Variants in DPP8 observed in about 807,000 individuals in gnomAD.
DPP8 encodes the protein dipeptidyl peptidase 8, also known as DPP VIII.
DPP8 carries 31 observed loss-of-function variants against 107.5 expected under a neutral mutation model. The ratio of observed to expected loss-of-function variants is 0.29; its 90% CI spans 0.22 to 0.39. The LOEUF (loss-of-function observed/expected upper bound fraction) is 0.39. DPP8 is among the 10% of genes least tolerant of loss of function. The pLI, the probability that DPP8 is intolerant of heterozygous loss-of-function variation, is 1.00. For synonymous variants in DPP8, 381 were observed against 356.6 expected (o/e 1.07, Z -0.77); for missense variants, 842 against 1,076.1 (o/e 0.78, Z 3.04).
intron 4 of DPP8, among the ~76,000 whole-genome samples, chr15:65,499,766 T>C (rs574253991): frequency 4.6e-5 from 7 of 151,696 alleles, no homozygotes; most frequent in Non-Finnish European, 8.8e-5. Context: ...GGTTTCGCCA[T>C]GTTTCCCCAC....
intron 1 of DPP8, 25 bp from the exon 2 acceptor site, chr15:65,512,589 T>C (rs1425824199): frequency 6.2e-7 from 1 of 1,612,658 alleles, no homozygotes; most frequent in East Asian, 2.2e-5. Context: ...CACATGAAGC[T>C]GTTCACGGGT....
At chr15:65,515,749 C>T (rs2071375713) in intron 1 of DPP8, 5 of 1,497,126 alleles carry the variant, frequency 3.3e-6, no homozygotes, top group Non-Finnish European at 4.6e-6. Context: ...TCTGCTCATC[C>T]TGCTCTTCTC....
intron 2 of DPP8, among the ~76,000 whole-genome samples, chr15:65,511,649 A>AC (rs903695243): frequency 9.3e-5 from 14 of 150,658 alleles, no homozygotes; most frequent in Admixed American, 5.3e-4. Context: ...CAAAAAAAAA[A>AC]AAAAAAAAAC....
chr15:65,462,841 A>G (rs899665410), intron 15 of DPP8, among the ~76,000 whole-genome samples: 1 of 152,128 alleles, frequency 6.6e-6, no homozygotes, highest in African/African-American at 2.4e-5. Flanking sequence ...GGCCTCCCAA[A>G]GTGCTGGGAT....
At chr15:65,494,105 C>T (rs1170786982) in intron 5 of DPP8, among the ~76,000 whole-genome samples, 1 of 147,710 alleles carries the variant, frequency 6.8e-6, no homozygotes, top group Non-Finnish European at 1.5e-5. Context: ...CAAGGCCACA[C>T]AGTTAATAAA....
chr15:65,502,540 T>C (rs2069370264), intron 3 of DPP8, among the ~76,000 whole-genome samples: 1 of 152,044 alleles, frequency 6.6e-6, no homozygotes, highest in Non-Finnish European at 1.5e-5. Context: ...TAGCCGAGCA[T>C]GCTGGTGCGC....
At chr15:65,516,846 G>A (rs760194425) in intron 1 of DPP8, 2 of 152,364 alleles carry the variant, frequency 1.3e-5, no homozygotes, top group Non-Finnish European at 2.9e-5. Context: ...GAAAAACTAT[G>A]AATGAGGAAC....
At chr15:65,493,926 T>G (rs1187451187) in intron 5 of DPP8, among the ~76,000 whole-genome samples, 2 of 151,992 alleles carry the variant, frequency 1.3e-5, no homozygotes, top group Non-Finnish European at 1.5e-5. Context: ...CCTACCTACT[T>G]TCTATCTAAG....
chr15:65,512,606 T>C, intron 1 of DPP8, 42 bp from the exon 2 acceptor site: 1 of 1,601,262 alleles, frequency 6.2e-7, no homozygotes, highest in Non-Finnish European at 8.5e-7. Context: ...GGGTCTATCT[T>C]CTATTATCAG....
chr15:65,502,862 T>G (rs7178584), intron 3 of DPP8: 66,694 of 145,884 alleles, frequency 0.46, 17,162 homozygotes, highest in Non-Finnish European at 0.58. Context: ...CAAAAATACT[T>G]AGTAGTAAAT....
intron 2 of DPP8, among the ~76,000 whole-genome samples, chr15:65,511,745 T>TA (rs11378042): frequency 1 from 151,913 of 152,016 alleles, 75,905 homozygotes; most frequent in Middle Eastern, 1. Context: ...CACAAATAAA[T>TA]AAACACATAT....
intron 12 of DPP8, among the ~76,000 whole-genome samples, chr15:65,473,501 T>A (rs547371415): frequency 5.5e-4 from 83 of 152,062 alleles, no homozygotes; most frequent in Non-Finnish European, 1.0e-3. Context: ...AGACCCTGTC[T>A]CTACCAAAAA....
At chr15:65,457,184 G>A (rs996134704) in intron 15 of DPP8, among the ~76,000 whole-genome samples, 10 of 151,992 alleles carry the variant, frequency 6.6e-5, no homozygotes, top group Admixed American at 6.6e-5. Context: ...GCGAAACCCC[G>A]TCTCTACCAA....
intron 4 of DPP8, among the ~76,000 whole-genome samples, chr15:65,500,310 T>C (rs1332124551): frequency 6.6e-6 from 1 of 151,718 alleles, no homozygotes; most frequent in African/African-American, 2.4e-5. Flanking sequence ...CCCAGCTACT[T>C]GGGAGGCTGA....
chr15:65,510,435 G>A (rs2070619059), intron 2 of DPP8, among the ~76,000 whole-genome samples: 1 of 151,902 alleles, frequency 6.6e-6, no homozygotes, highest in Non-Finnish European at 1.5e-5. Flanking sequence ...CCCTCTTCAG[G>A]GGTTGGGTGG....
chr15:65,481,347 A>G (rs990811797), intron 9 of DPP8, among the ~76,000 whole-genome samples, 168 bp downstream of exon 9: 2 of 152,234 alleles, frequency 1.3e-5, no homozygotes, highest in Admixed American at 1.3e-4. Context: ...TAGGATTACA[A>G]ATGCACAAAT....
chr15:65,485,544 C>CAAAAAAAAA (rs56940292), intron 7 of DPP8, among the ~76,000 whole-genome samples: 74 of 60,586 alleles, frequency 1.2e-3, no homozygotes, highest in Admixed American at 1.6e-3. Flanking sequence ...GACTCCATCT[C>CAAAAAAAAA]AAAAAAAAAA....
Position 65,500,794 on chromosome 15 carries a change from A to C in DPP8, c.373-15T>G. The C allele has an allele frequency of 6.3e-7, 1 of 1,597,592 alleles. No homozygotes were observed. Among genetic ancestry groups the C allele is most frequent in the African/African-American group, 1.3e-5 (1 of 74,646 alleles). On this transcript the variant is annotated splice_polypyrimidine_tract_variant and intron_variant, in intron 3 of 19. Transcript: ENST00000300141. ...TCCAGTGTTGCCTAATGTGAAAGGA[A>C]AGTCACCTATTCCAGTCTTCTGAAA...
rs746272865 is a variant in DPP8 at position 65,490,275 on chromosome 15, G to T, written c.740C>A (p.Ala247Asp). ...AAAGGTAGCGACTCCAGCTGATCTGGCATCTTCTTCCATGTTGGCTAGCTC... is the reference window on the plus strand; with the variant it reads ...AAAGGTAGCGACTCCAGCTGATCTGTCATCTTCTTCCATGTTGGCTAGCTC... The part of the protein sequence containing the change: ...HNELANMEED[A>D]RSAGVATFVL... The change falls in exon 6 of 20, where the codon GCC becomes GAC. Residue 247 changes from alanine to aspartate, a missense_variant. By Grantham distance (126) the Ala-to-Asp change is moderately radical. This residue lies in a region of DPP8 where 663 missense variants were observed against 758.0 expected (regional missense o/e 0.87). Coordinates refer to ENST00000300141, the MANE Select transcript of DPP8 (RefSeq NM_130434.5). The T allele has an allele frequency of 6.2e-7, 1 of 1,612,456 alleles. No homozygotes were observed. The highest frequency in any genetic ancestry group is 8.5e-7 in the Non-Finnish European group (1 of 1,178,522).
Sources: allele counts gnomAD v4.1 joint callset (sites outside exome capture counted in the v4.1 genomes callset), GRCh38; gene constraint gnomAD v4.1.1; regional missense constraint gnomAD v4.1.1; transcripts MANE v1.5; gene names NCBI Gene and HGNC (gene_info 2026-07-23, HGNC 2026-07-21).